The following CMYA5 variants were observed in gnomAD, a reference collection of about 807,000 sequenced individuals.
CMYA5 encodes the protein cardiomyopathy-associated protein 5.
A neutral mutation model predicts 318.9 loss-of-function variants in CMYA5; 246 were observed. That is an observed-to-expected ratio of 0.77 (90% CI 0.70 to 0.86). The LOEUF is 0.86. Among genes scored for constraint, CMYA5 ranks in the 40% least tolerant of loss-of-function variants. The pLI is 0.00. For synonymous variants in CMYA5, 1,641 were observed against 1,729.5 expected (o/e 0.95, Z 1.27); for missense variants, 4,589 against 4,678.2 (o/e 0.98, Z 0.56).
chr5:79,701,125 G>A (rs2151075651), intron 1 of CMYA5, among the ~76,000 whole-genome samples: 1 of 149,886 alleles, frequency 6.7e-6, no homozygotes, highest in African/African-American at 2.4e-5. Context: ...GAGTGTGGTA[G>A]TGCATGCCTA....
chr5:79,731,529 T>A lies in CMYA5; in HGVS notation c.2764T>A (p.Ser922Thr), dbSNP rs1317707918. 6.2e-7 allele frequency: 1 copy of A among 1,603,486 alleles called. No individual in the cohort carries two copies. The highest frequency in any genetic ancestry group is 1.3e-5 in the African/African-American group (1 of 74,558). The change falls in exon 2 of 13, where the codon TCT (serine) becomes ACT (threonine). Residue 922 changes from serine to threonine, a missense_variant. By Grantham distance (58) the Ser-to-Thr change is moderately conservative. Transcript: ENST00000446378. ...ACAGGAGGAAGAAATTGTCCATAGA[T>A]CTCTAAATCTAAAAGGTGCATCCTC... The part of the protein sequence containing the change: ...EAQEEEIVHR[S>T]LNLKGASSPM...
At position 79,732,005 on chromosome 5, in the gene CMYA5, G is replaced by C. The variant is rs774279080; in HGVS notation, c.3240G>C (p.Leu1080=). The C allele has an allele frequency of 6.2e-7, 1 of 1,613,880 alleles. No homozygotes were observed. Among genetic ancestry groups the C allele is most frequent in the South Asian group, 1.1e-5 (1 of 91,062 alleles). Residue 1080 remains leucine (L), a synonymous_variant, in exon 2 of 13, where the codon CTG becomes CTC. Transcript: ENST00000446378. ...TGTCTCCGCTTGAAGACTTAAGTCT[G>C]CCGCCTTCAACAGATAAATCAGAGA... is the stretch of plus-strand genomic sequence containing the variant. ...PLMSPLEDLS[L]PPSTDKSEKA...
intron 9 of CMYA5, among the ~76,000 whole-genome samples, chr5:79,766,799 T>C (rs1439702090): frequency 6.6e-6 from 1 of 152,188 alleles, no homozygotes; most frequent in Non-Finnish European, 1.5e-5. Flanking sequence ...AGTTTTGGTA[T>C]CAGGATGATG....
rs541941224 is a variant in CMYA5, at chr5:79,799,882, A to G, written c.*266A>G. 10 of 246,732 alleles carry G rather than the reference A, an allele frequency of 4.1e-5. No homozygotes were observed. In the South Asian group the frequency reaches 5.2e-4, roughly 13 times the overall value. 15.3% of individuals were successfully genotyped at this position (246,732 alleles called of 1,614,324 possible). A position where few individuals can be genotyped will look rare whatever the true frequency, so the allele number is the denominator to read the frequency against. On this transcript the variant is annotated 3_prime_UTR_variant, in exon 13 of 13. Transcript: ENST00000446378. ...TTCTTTCCTAAATTAAAAGATCTAC[A>G]CTTGAGTTGGGAACCGAAAGAGAAA...
At chr5:79,695,170 C>T (rs1580742002) in intron 1 of CMYA5, among the ~76,000 whole-genome samples, 1 of 152,160 alleles carries the variant, frequency 6.6e-6, no homozygotes, top group Non-Finnish European at 1.5e-5. Flanking sequence ...AAACCAAATT[C>T]CCCTTCCTAC....
intron 1 of CMYA5, among the ~76,000 whole-genome samples, chr5:79,708,369 C>G (rs982257408): frequency 2.0e-5 from 3 of 152,340 alleles, no homozygotes; most frequent in Middle Eastern, 3.4e-3. Flanking sequence ...CGCCTGTAAT[C>G]TCAGCACTTT....
chr5:79,707,636 T>G (rs570813893), intron 1 of CMYA5, among the ~76,000 whole-genome samples: 1 of 152,220 alleles, frequency 6.6e-6, no homozygotes, highest in Non-Finnish European at 1.5e-5. Flanking sequence ...AAAAATATTT[T>G]CATTTGTCAT....
chr5:79,690,438 C>CTGGT (rs1243667975), intron 1 of CMYA5, among the ~76,000 whole-genome samples: 5 of 152,138 alleles, frequency 3.3e-5, no homozygotes, highest in Non-Finnish European at 7.3e-5. Context: ...TGAAGGCGCA[C>CTGGT]TGGTACCTTC....
chr5:79,794,589 A>G (rs1829243254), intron 12 of CMYA5, among the ~76,000 whole-genome samples: 2 of 152,354 alleles, frequency 1.3e-5, no homozygotes, highest in Non-Finnish European at 2.9e-5. Flanking sequence ...AGCAGGGGAC[A>G]GTAATGCCTG....
chr5:79,789,173 T>C (rs773645021), intron 10 of CMYA5, 69 bp downstream of exon 10: 5 of 1,557,696 alleles, frequency 3.2e-6, no homozygotes, highest in Non-Finnish European at 4.4e-6. Flanking sequence ...TCAGAGAAGA[T>C]GTCCTAGAGG....
intron 4 of CMYA5, among the ~76,000 whole-genome samples, chr5:79,746,786 T>G (rs183077941): frequency 2.8e-3 from 423 of 152,210 alleles, no homozygotes; most frequent in Admixed American, 4.6e-3. Context: ...AGCAACTCAT[T>G]GCCAGTCCCG....
In CMYA5 at chr5:79,709,960, C is replaced by CAAAAAAA. The variant is rs61657639; in HGVS notation, c.150-18933_150-18927dup. 7.7e-3 allele frequency among the ~76,000 whole-genome samples: 187 copies of CAAAAAAA among 24,292 alleles called. 4 individuals carry two copies. The highest frequency in any genetic ancestry group is 8.8e-3 in the African/African-American group (58 of 6,608). The allele number at this position is 24,292 out of a possible 152,430, so 15.9% of individuals were successfully genotyped here. ...TGGGTGACAGAGTGAGACTCCATCT[C>CAAAAAAA]AAAAAAAAAAAAAAAAAAAAAAAAA... is the stretch of plus-strand genomic sequence containing the variant. On this transcript the variant is annotated intron_variant, in intron 1 of 12. Coordinates refer to ENST00000446378, the MANE Select transcript of CMYA5 (RefSeq NM_153610.5).
chr5:79,777,890 G>C (rs1828969913), intron 9 of CMYA5: 1 of 152,152 alleles, frequency 6.6e-6, no homozygotes, highest in African/African-American at 2.4e-5. Flanking sequence ...GGGAGGCCGA[G>C]GCAGGTGGAT....
intron 1 of CMYA5, among the ~76,000 whole-genome samples, chr5:79,723,295 C>T (rs1037041876): frequency 4.6e-5 from 7 of 151,782 alleles, no homozygotes; most frequent in African/African-American, 1.2e-4. Flanking sequence ...AAAAATTAGC[C>T]GGGAGCAGTG....
At chr5:79,728,817 A>G in intron 1 of CMYA5, 98 bp from the exon 2 acceptor site, 1 of 536,700 alleles carries the variant, frequency 1.9e-6, no homozygotes, top group Non-Finnish European at 2.7e-6. Context: ...TTTTAATTTC[A>G]CATTAATCCT....
At chr5:79,740,534 T>G (rs554083977) in intron 2 of CMYA5, among the ~76,000 whole-genome samples, 109 of 152,380 alleles carry the variant, frequency 7.2e-4, no homozygotes, top group Non-Finnish European at 1.3e-3. Context: ...TTTAAGATTT[T>G]ACTTTCTTTG....
intron 12 of CMYA5, among the ~76,000 whole-genome samples, chr5:79,795,217 T>C (rs1034550052): frequency 2.0e-5 from 3 of 152,044 alleles, no homozygotes; most frequent in Non-Finnish European, 4.4e-5. Flanking sequence ...GTCTCAGCAC[T>C]GACAGGTAGG....
At chr5:79,693,294 A>G (rs939434312) in intron 1 of CMYA5, among the ~76,000 whole-genome samples, 3 of 151,864 alleles carry the variant, frequency 2.0e-5, no homozygotes, top group African/African-American at 7.3e-5. Context: ...ATCTGATTTT[A>G]GATTCAGAAA....
rs1829172775 is a variant in CMYA5, at chr5:79,791,212, A to G, written c.11789+143A>G. On this transcript the variant is annotated intron_variant, in intron 11 of 12. Transcript: ENST00000446378. ...TGGTCTCAAATATCAATGTGTGCAC[A>G]TCCACACTGTTCGGCTGTGGTTCCC... 1.0e-5 allele frequency: 6 copies of G among 602,582 alleles called. 1 individual carries two copies. In the South Asian group the frequency reaches 1.3e-4, roughly 13 times the overall value. The allele number at this position is 602,582 out of a possible 1,614,324, so 37.3% of individuals were successfully genotyped here. A position where few individuals can be genotyped will look rare whatever the true frequency, so the allele number is the denominator to read the frequency against.
Sources: gnomAD v4.1 joint callset for allele counts (sites outside exome capture counted in the v4.1 genomes callset) on GRCh38, gnomAD v4.1.1 for gene constraint, MANE v1.5 for transcripts, NCBI Gene and HGNC (gene_info 2026-07-23, HGNC 2026-07-21) for gene names.